The following RBM4 variants were observed in gnomAD, a reference collection of about 807,000 sequenced individuals.
The protein encoded by RBM4 is RNA binding motif protein 4, also known as RNA-binding protein 4.
Under a neutral mutation model 29.5 loss-of-function variants are expected in RBM4, and 7 were observed. The observed-to-expected ratio is 0.24, with a 90% CI of 0.14 to 0.45. The LOEUF (loss-of-function observed/expected upper bound fraction) is 0.45. Among genes scored for constraint, RBM4 ranks in the 20% least tolerant of loss-of-function variants. The pLI, the probability that RBM4 is intolerant of heterozygous loss-of-function variation, is 1.00. For missense variants in RBM4, 387 were observed against 502.3 expected (o/e 0.77, Z 2.19); for synonymous variants, 220 against 205.4 (o/e 1.07, Z -0.61).
Position 66,643,906 on chromosome 11 carries a change from C to G in RBM4, c.869C>G (p.Ala290Gly). Residue 290 changes from alanine to glycine, a missense_variant, in exon 3 of 4, where the codon GCA (alanine) becomes GGA (glycine). Transcript: ENST00000310092. This position sits in a 1 kb window ranked among gnomAD's most constrained non-coding sequence, Gnocchi z 6.1. ...SGAAATAAAAAAAAAAVTAAS... is the reference protein window; with the variant it reads ...SGAAATAAAAGAAAAAVTAAS... ...GCTGCTGCCACAGCTGCTGCTGCAGCAGCAGCCGCTGCTGCTGTTACTGCA... is the reference window on the plus strand; with the variant it reads ...GCTGCTGCCACAGCTGCTGCTGCAGGAGCAGCCGCTGCTGCTGTTACTGCA... 3.1e-6 allele frequency: 5 copies of G among 1,610,858 alleles called. No homozygotes were observed. The highest frequency in any genetic ancestry group is 4.2e-6 in the Non-Finnish European group (5 of 1,179,076).
chr11:66,666,000 G>A (rs1173391508), exon 3 of RBM4: 6 of 1,466,242 alleles, frequency 4.1e-6, no homozygotes, highest in Non-Finnish European at 5.5e-6. Flanking sequence ...TATTCTAAAT[G>A]TGTTTTGTTT....
At chr11:66,654,266 C>A (rs1431074995) in intron 2 of RBM4, among the ~76,000 whole-genome samples, 1 of 151,396 alleles carries the variant, frequency 6.6e-6, no homozygotes, top group South Asian at 2.1e-4. Flanking sequence ...CTGAGGCGGG[C>A]GGATCATGAG....
downstream of RBM4, chr11:66,650,030 T>C: frequency 2.0e-6 from 1 of 494,180 alleles, no homozygotes; most frequent in Non-Finnish European, 3.6e-6. Context: ...ATGTGGCGAA[T>C]ACAAAGATGA....
chr11:66,639,741 C>T lies in RBM4; in HGVS notation c.30C>T (p.Pro10=), dbSNP rs751493114. The part of the protein sequence containing the change: MVKLFIGNL[P]REATEQEIRS... Reference sequence around the variant, plus strand: ...TGAAGCTGTTCATCGGAAACCTGCCCCGGGAGGCTACAGAGCAGGAGATTC... The same window carrying T: ...TGAAGCTGTTCATCGGAAACCTGCCTCGGGAGGCTACAGAGCAGGAGATTC... The change falls in exon 2 of 4, where the codon CCC becomes CCT. Residue 10 remains proline, a synonymous_variant. Coordinates refer to ENST00000310092, the MANE Select transcript of RBM4 (RefSeq NM_002896.4). 8 of 1,613,948 alleles carry T rather than the reference C, an allele frequency of 5.0e-6. No homozygotes were observed. Among genetic ancestry groups the T allele is most frequent in the Admixed American group, 3.3e-5 (2 of 60,004 alleles).
At chr11:66,650,053 G>T (rs780432763), downstream of RBM4, 61 of 444,804 alleles carry the variant, frequency 1.4e-4, no homozygotes, top group African/African-American at 3.2e-4. Flanking sequence ...AGGGCATTGT[G>T]CCTGTCCTCA....
chr11:66,644,058 C>T lies in RBM4; in HGVS notation c.1021C>T (p.Arg341Trp). 6.2e-7 allele frequency: 1 copy of T among 1,614,000 alleles called. No homozygotes were observed. The highest frequency in any genetic ancestry group is 8.5e-7 in the Non-Finnish European group (1 of 1,180,026). ...GTTGTCCCAAGCTTCAGCAGCCGCG[C>T]GGAATTCTCTGTACGACATGGCCCG... ...SELSQASAAA[R>W]NSLYDMARYE... is the part of the protein sequence containing the mutation. Residue 341 changes from arginine (R) to tryptophan (W), a missense_variant, in exon 3 of 4, where the codon CGG (arginine) becomes TGG (tryptophan). By Grantham distance (101) the Arg-to-Trp change is moderately radical. This residue lies in a region of RBM4 where 281 missense variants were observed against 288.7 expected (regional missense o/e 0.97). Transcript: ENST00000310092.
chr11:66,665,151 A>G (rs1939177855), intron 2 of RBM4: 1 of 165,998 alleles, frequency 6.0e-6, no homozygotes, highest in African/African-American at 2.4e-5. Context: ...GGTCCTAGCA[A>G]TTTCAGAAGA....
At chr11:66,664,304 C>G (rs1007511299) in intron 2 of RBM4, among the ~76,000 whole-genome samples, 2 of 151,766 alleles carry the variant, frequency 1.3e-5, no homozygotes, top group East Asian at 3.9e-4. Context: ...CACTCGCCAC[C>G]ACGCCTGGCT....
intron 3 of RBM4, chr11:66,644,590 A>G (rs1045218658): frequency 1.4e-6 from 1 of 704,688 alleles, no homozygotes; most frequent in African/African-American, 1.9e-5. Flanking sequence ...ATGACCCCTG[A>G]TGATAAAGTC....
At chr11:66,667,362 A>G (rs1276127072) in exon 3 of RBM4, 3 of 152,192 alleles carry the variant, frequency 2.0e-5, no homozygotes, top group Non-Finnish European at 4.4e-5. Flanking sequence ...CACCTATGCA[A>G]TTTTCTACAC....
chr11:66,667,419 C>G (rs1430535744), exon 3 of RBM4: 1 of 152,096 alleles, frequency 6.6e-6, no homozygotes, highest in Non-Finnish European at 1.5e-5. Context: ...TTCCTCTCTT[C>G]AACAACAAAA....
At chr11:66,666,319 G>A in exon 3 of RBM4, 1 of 1,047,780 alleles carries the variant, frequency 9.5e-7, no homozygotes, top group Non-Finnish European at 1.2e-6. Context: ...TCTTGGTCTT[G>A]ATCTGTGCCA....
At chr11:66,644,318 C>G (rs1195852939) in intron 3 of RBM4, 178 bp downstream of exon 3, 15 of 873,326 alleles carry the variant, frequency 1.7e-5, no homozygotes. Flanking sequence ...CATAGAGTTC[C>G]TTGGCCCTCA....
At chr11:66,654,613 C>T (rs376717348) in intron 2 of RBM4, among the ~76,000 whole-genome samples, 1 of 151,552 alleles carries the variant, frequency 6.6e-6, no homozygotes, top group African/African-American at 2.4e-5. Flanking sequence ...GCTATCCTCT[C>T]GCCTCAGCCT....
At chr11:66,649,684 C>G (rs1039567569), downstream of RBM4, 19 of 695,968 alleles carry the variant, frequency 2.7e-5, no homozygotes, top group Non-Finnish European at 4.7e-5. Flanking sequence ...CAAGGTTATG[C>G]TGCCACTCCT....
intron 2 of RBM4, among the ~76,000 whole-genome samples, chr11:66,659,117 G>A (rs1376593705): frequency 6.6e-6 from 1 of 151,046 alleles, no homozygotes; most frequent in African/African-American, 2.4e-5. Flanking sequence ...AGTTCCCTAT[G>A]TGGTTTGCAT....
intron 2 of RBM4, chr11:66,641,209 C>T (rs2135057181): frequency 1.3e-5 from 2 of 152,300 alleles, no homozygotes; most frequent in East Asian, 3.9e-4. Context: ...ATTTCCGTGA[C>T]TCCTTGCTAT....
chr11:66,638,902 G>C (rs898612561), intron 1 of RBM4, 150 bp downstream of exon 1: 1 of 152,292 alleles, frequency 6.6e-6, no homozygotes, highest in African/African-American at 2.4e-5. Context: ...CGGTAAGCCG[G>C]GAGCAGCCCT....
chr11:66,658,832 G>A (rs1415944980), intron 2 of RBM4, among the ~76,000 whole-genome samples: 2 of 151,732 alleles, frequency 1.3e-5, no homozygotes, highest in Non-Finnish European at 2.9e-5. Context: ...AGCTTCTTGG[G>A]AGGCTGAGAC....
Sources: gnomAD v4.1 joint callset for allele counts (sites outside exome capture counted in the v4.1 genomes callset) on GRCh38, gnomAD v4.1.1 for gene constraint, gnomAD v4.1.1 regional missense constraint, Gnocchi (gnomAD v3.1) non-coding constraint, MANE v1.5 for transcripts, NCBI Gene and HGNC (gene_info 2026-07-23, HGNC 2026-07-21) for gene names.